NLRP5: variants seen among roughly 807,000 people sequenced by gnomAD.
NLRP5 encodes the protein NACHT, LRR and PYD domains-containing protein 5.
NLRP5 carries 93 observed loss-of-function variants against 113.1 expected under a neutral mutation model. The observed-to-expected ratio is 0.82, with a 90% CI of 0.70 to 0.98. The LOEUF (loss-of-function observed/expected upper bound fraction) is 0.98, where lower values mean the gene tolerates loss of function less well. NLRP5 is among the 50% of genes least tolerant of loss of function. The pLI is 0.00. For synonymous variants in NLRP5, 751 were observed against 600.7 expected (o/e 1.25, Z -3.66); for missense variants, 1,808 against 1,514.3 (o/e 1.19, Z -3.22).
At chr19:56,057,247 T>C (rs542490208) in intron 13 of NLRP5, among the ~76,000 whole-genome samples, 1 of 152,332 alleles carries the variant, frequency 6.6e-6, no homozygotes, top group South Asian at 2.1e-4. Context: ...TGGTGAACTA[T>C]TTCAGAGCAG....
the NLRP5 span, chr19:55,988,438 G>GTATATATATATATA: frequency 0.011 from 976 of 91,398 alleles, 13 homozygotes; most frequent in Non-Finnish European, 0.015. Flanking sequence ...ATATATATGT[G>GTATATATATATATA]TGTGTGTATA....
the NLRP5 span, among the ~76,000 whole-genome samples, chr19:55,994,386 T>C: frequency 6.6e-6 from 1 of 152,114 alleles, no homozygotes; most frequent in African/African-American, 2.4e-5. Context: ...GCAAATATTT[T>C]CTCCCATTCT....
intron 11 of NLRP5, among the ~76,000 whole-genome samples, chr19:56,044,870 C>G (rs1250815037): frequency 6.6e-6 from 1 of 152,168 alleles, no homozygotes; most frequent in East Asian, 1.9e-4. Flanking sequence ...TTCGTGTCGT[C>G]TGTGATTTCT....
rs1344211172 is a variant in NLRP5 at position 56,051,287 on chromosome 19, G to A, written c.3128+699G>A. ...TGCTCACTGCAACCTCCGCGTTCCA[G>A]GTTTGAGCGATTTTTCTGCCTCAGC... On this transcript the variant is annotated intron_variant, in intron 12 of 14. Coordinates refer to ENST00000390649, the MANE Select transcript of NLRP5 (RefSeq NM_153447.4). Among the ~76,000 whole-genome samples, 5 of 152,292 alleles carry A rather than the reference G, an allele frequency of 3.3e-5. No individual in the cohort carries two copies. The East Asian group carries it at 9.6e-4, about 29-fold the overall frequency.
At chr19:56,053,595 T>G in intron 12 of NLRP5, 43 bp from the exon 13 acceptor site, 8 of 1,568,074 alleles carry the variant, frequency 5.1e-6, no homozygotes, top group Non-Finnish European at 7.0e-6. Flanking sequence ...TGTTCCACTT[T>G]CCTCGAGAGA....
upstream of NLRP5, among the ~76,000 whole-genome samples, chr19:55,996,709 C>A (rs550365559): frequency 4.3e-4 from 66 of 152,260 alleles, no homozygotes; most frequent in African/African-American, 1.6e-3. Context: ...TGTATATGTA[C>A]CACATTTTCT....
At chr19:55,999,709 T>C, upstream of NLRP5, 4 of 1,600,052 alleles carry the variant, frequency 2.5e-6, no homozygotes, top group Non-Finnish European at 2.6e-6. Context: ...TCAGTTACTT[T>C]CCATGGCGAT....
At chr19:55,996,573 G>T (rs187630518), upstream of NLRP5, among the ~76,000 whole-genome samples, 387 of 152,258 alleles carry the variant, frequency 2.5e-3, 4 homozygotes, top group African/African-American at 8.8e-3. Context: ...ACCTATGAGT[G>T]AGAACATGTG....
rs773476741 is a variant in NLRP5, at chr19:56,032,648, G to T, written c.2314G>T (p.Asp772Tyr). 7.4e-6 allele frequency: 12 copies of T among 1,613,786 alleles called. No individual in the cohort carries two copies. The South Asian group carries it at 1.1e-4, about 15-fold the overall frequency. Residue 772 changes from aspartate to tyrosine, a missense_variant, in exon 8 of 15, where the codon GAT becomes TAT. Transcript: ENST00000390649. ...GACCCTCATTGAGGAGCAGTGGGAAGATTTCTGCTCCATGCTTGGCACCCA... is the reference window on the plus strand; with the variant it reads ...GACCCTCATTGAGGAGCAGTGGGAATATTTCTGCTCCATGCTTGGCACCCA...
chr19:55,994,247 G>A, the NLRP5 span, among the ~76,000 whole-genome samples: 4 of 152,258 alleles, frequency 2.6e-5, no homozygotes, highest in South Asian at 4.2e-4. Flanking sequence ...TGGTCATTTG[G>A]ATGTCTTTTG....
At chr19:56,054,101 A>G (rs1984037673) in intron 13 of NLRP5, among the ~76,000 whole-genome samples, 1 of 152,130 alleles carries the variant, frequency 6.6e-6, no homozygotes, top group Non-Finnish European at 1.5e-5. Flanking sequence ...GGAAGTATGG[A>G]AGTGAAAAGA....
intron 13 of NLRP5, among the ~76,000 whole-genome samples, chr19:56,056,559 A>T (rs1036244868): frequency 2.0e-5 from 3 of 152,064 alleles, no homozygotes; most frequent in African/African-American, 7.2e-5. Context: ...TCTATTTCTA[A>T]AAAACAAAAG....
intron 3 of NLRP5, 23 bp from the exon 4 acceptor site, chr19:56,015,719 T>C: frequency 6.5e-7 from 1 of 1,550,228 alleles, no homozygotes; most frequent in Non-Finnish European, 8.7e-7. Flanking sequence ...TTTGTGTTTA[T>C]TCTTCTCCCT....
Position 56,027,074 on chromosome 19 carries a change from A to T in NLRP5, c.841A>T (p.Thr281Ser). ...AGACCGGTGGGGCTTCCGGCCTCGC[A>T]CGGTGGTTCTGCACGGAAAGTCAGG... The change falls in exon 7 of 15, where the codon ACG becomes TCG. Residue 281 changes from threonine (T) to serine (S), a missense_variant. Physicochemically the swap from Thr to Ser is moderately conservative, Grantham distance 58 (BLOSUM62 1). Coordinates refer to ENST00000390649, the MANE Select transcript of NLRP5 (RefSeq NM_153447.4). 6.4e-7 allele frequency: 1 copy of T among 1,559,852 alleles called. No homozygotes were observed. Among genetic ancestry groups the T allele is most frequent in the East Asian group, 2.4e-5 (1 of 41,518 alleles).
chr19:56,031,910 T>A (rs1050354401), intron 7 of NLRP5, among the ~76,000 whole-genome samples: 1 of 152,206 alleles, frequency 6.6e-6, no homozygotes, highest in African/African-American at 2.4e-5. Flanking sequence ...TGATCTCAGT[T>A]CTTCCGGGTA....
upstream of NLRP5, chr19:55,999,669 G>T (rs199475761): frequency 7.5e-7 from 1 of 1,337,186 alleles, no homozygotes; most frequent in East Asian, 2.3e-5. Flanking sequence ...CTGATTTCCA[G>T]CTTCCAGAGG....
Position 56,005,305 on chromosome 19 carries a change from ATATT to A in NLRP5, c.442+1214_442+1217del, listed in dbSNP as rs200723929. ...CATATATTTTTATATATACACATAT[ATATT>A]TATATATACACACATATTTATATAT... On this transcript the variant is annotated intron_variant, in intron 2 of 14. Transcript: ENST00000390649. Among the ~76,000 whole-genome samples, 1,348 of 146,954 alleles carry A rather than the reference ATATT, an allele frequency of 9.2e-3. 25 individuals are homozygous for A. Among genetic ancestry groups the A allele is most frequent in the African/African-American group, 0.031 (1,245 of 39,910 alleles).
chr19:56,039,668 T>C (rs1296512854), intron 10 of NLRP5, among the ~76,000 whole-genome samples: 1 of 152,070 alleles, frequency 6.6e-6, no homozygotes, highest in Non-Finnish European at 1.5e-5. Context: ...ACCCAGCACT[T>C]TGGGAGGCCG....
At chr19:56,033,509 A>T in intron 8 of NLRP5, 33 bp from the exon 9 acceptor site, 1 of 1,541,902 alleles carries the variant, frequency 6.5e-7, no homozygotes, top group East Asian at 2.3e-5. Flanking sequence ...AAACATCACC[A>T]GTGTCGAATG....
Sources: allele counts gnomAD v4.1 joint callset (sites outside exome capture counted in the v4.1 genomes callset), GRCh38; gene constraint gnomAD v4.1.1; transcripts MANE v1.5; gene names NCBI Gene and HGNC (gene_info 2026-07-23, HGNC 2026-07-21).